Variants in MCTP1 observed in about 807,000 individuals in gnomAD.
MCTP1 encodes multiple C2 and transmembrane domain containing 1, also known as multiple C2 and transmembrane domain-containing protein 1.
A neutral mutation model predicts 120.6 loss-of-function variants in MCTP1; 69 were observed. The observed-to-expected ratio is 0.57, with a 90% CI of 0.47 to 0.70. The LOEUF is 0.70. Among genes scored for constraint, MCTP1 ranks in the 30% least tolerant of loss-of-function variants. The probability of loss-of-function intolerance (pLI) is 0.00; values close to 1 mark genes in which losing one functional copy is unlikely to be tolerated. For missense variants in MCTP1, 1,203 were observed against 1,248.8 expected (o/e 0.96, Z 0.55); for synonymous variants, 529 against 493.1 (o/e 1.07, Z -0.96).
chr5:95,283,733 A>G, intron 1 of MCTP1, 123 bp downstream of exon 1: 5 of 684,052 alleles, frequency 7.3e-6, no homozygotes, highest in Non-Finnish European at 1.1e-5. Context: ...TCATCTACTT[A>G]GAATTAATAG....
At chr5:94,873,043 G>A (rs41276251) in intron 13 of MCTP1, 96 bp downstream of exon 13, 27,995 of 748,304 alleles carry the variant, frequency 0.037, 726 homozygotes, top group Middle Eastern at 0.054. Flanking sequence ...TTGTGAATCA[G>A]TTAAGAATAA....
chr5:94,768,111 C>G (rs965914100), intron 19 of MCTP1, among the ~76,000 whole-genome samples: 2 of 151,968 alleles, frequency 1.3e-5, no homozygotes, highest in Non-Finnish European at 2.9e-5. Context: ...ATTTTTAAAG[C>G]CTACTGATTT....
At chr5:94,804,766 A>G (rs1781960440) in intron 17 of MCTP1, among the ~76,000 whole-genome samples, 1 of 152,192 alleles carries the variant, frequency 6.6e-6, no homozygotes, top group Admixed American at 6.5e-5. Flanking sequence ...AATTAATTTT[A>G]AGAAAATTAC....
chr5:95,145,060 C>A (rs1760267641), intron 1 of MCTP1, among the ~76,000 whole-genome samples: 1 of 152,022 alleles, frequency 6.6e-6, no homozygotes, highest in South Asian at 2.1e-4. Context: ...TTATTTGTGC[C>A]ATCTATGATT....
rs1807810665 is a variant in MCTP1 at position 94,909,294 on chromosome 5, C to T, written c.1609G>A (p.Ala537Thr). ...EERGGVIDIT[A>T]WDKDAGKRDD... ...CTTTTCCCAGCATCTTTGTCCCATG[C>T]AGTGATATCAATGACTCCTCCTCTT... The change falls in exon 10 of 23, where the codon GCA becomes ACA. Residue 537 changes from alanine (A) to threonine (T), a missense_variant. By Grantham distance (58) the Ala-to-Thr change is moderately conservative. Transcript: ENST00000515393. 6.2e-7 allele frequency: 1 copy of T among 1,610,868 alleles called. No homozygotes were observed.
Position 94,707,542 on chromosome 5 carries a change from T to G in MCTP1, c.2954A>C (p.Asp985Ala). 2 of 1,611,978 alleles carry G rather than the reference T, an allele frequency of 1.2e-6. No homozygotes were observed. The highest frequency in any genetic ancestry group is 2.2e-5 in the South Asian group (2 of 91,024). Residue 985 changes from aspartate (D) to alanine (A), a missense_variant, in exon 23 of 23, where the codon GAT (aspartate) becomes GCT (alanine). This residue lies in a region of MCTP1 where 740 missense variants were observed against 871.1 expected (regional missense o/e 0.85). Transcript: ENST00000515393. Reference sequence around the variant, plus strand: ...TCTTTTATATGGGCTATGAGAAGGATCTGGTTTCAGTTCTTGGTATTGCAC... The same window carrying G: ...TCTTTTATATGGGCTATGAGAAGGAGCTGGTTTCAGTTCTTGGTATTGCAC... ...QVVQYQELKP[D>A]PSHSPYKRKK...
At chr5:94,949,197 T>G (rs1390746526) in intron 3 of MCTP1, among the ~76,000 whole-genome samples, 1 of 152,202 alleles carries the variant, frequency 6.6e-6, no homozygotes, top group Non-Finnish European at 1.5e-5. Context: ...TCTCTTCTAC[T>G]GTAATTCTGG....
intron 1 of MCTP1, among the ~76,000 whole-genome samples, chr5:95,243,075 C>T (rs1392396297): frequency 6.6e-6 from 1 of 152,090 alleles, no homozygotes; most frequent in Non-Finnish European, 1.5e-5. Flanking sequence ...CCCTGACTTC[C>T]TCTTAAGACT....
At chr5:94,940,018 G>C in intron 5 of MCTP1, 66 bp downstream of exon 5, 1 of 875,956 alleles carries the variant, frequency 1.1e-6, no homozygotes, top group Non-Finnish European at 1.8e-6. Flanking sequence ...ATCATCTCTG[G>C]GTCCAGAGAA....
chr5:95,192,335 G>A (rs1303189821), intron 1 of MCTP1, among the ~76,000 whole-genome samples: 1 of 151,912 alleles, frequency 6.6e-6, no homozygotes, highest in Non-Finnish European at 1.5e-5. Context: ...ATGATACTGA[G>A]AATATATAAT....
At chr5:94,899,331 T>C (rs1024655410) in intron 10 of MCTP1, among the ~76,000 whole-genome samples, 2 of 152,198 alleles carry the variant, frequency 1.3e-5, no homozygotes, top group Non-Finnish European at 2.9e-5. Context: ...GCTGCTCCTT[T>C]GGCTATGCCT....
chr5:95,276,654 C>A (rs2152740331), intron 1 of MCTP1, among the ~76,000 whole-genome samples: 1 of 150,412 alleles, frequency 6.6e-6, no homozygotes, highest in East Asian at 2.0e-4. Flanking sequence ...GTGCTAGGTA[C>A]AAAAAACAGG....
intron 1 of MCTP1, among the ~76,000 whole-genome samples, chr5:95,275,995 G>A (rs530489676): frequency 6.6e-6 from 1 of 152,298 alleles, no homozygotes; most frequent in Admixed American, 6.5e-5. Context: ...AATGAACCAT[G>A]CTCAGTGAAA....
intron 10 of MCTP1, among the ~76,000 whole-genome samples, chr5:94,905,727 T>C (rs775906799): frequency 3.9e-5 from 6 of 152,190 alleles, no homozygotes; most frequent in East Asian, 3.8e-4. Context: ...ACATTCTAAA[T>C]TGGAGAAATC....
intron 1 of MCTP1, among the ~76,000 whole-genome samples, chr5:95,193,023 A>C (rs1265093958): frequency 6.6e-6 from 1 of 152,168 alleles, no homozygotes; most frequent in African/African-American, 2.4e-5. Flanking sequence ...GTTTACCTCG[A>C]ATGGTCATTG....
At position 94,962,274 on chromosome 5, in the gene MCTP1, T is replaced by A. The variant is rs1347643; in HGVS notation, c.839-8913A>T. 3.2e-4 allele frequency among the ~76,000 whole-genome samples: 49 copies of A among 152,090 alleles called. 2 individuals carry two copies. In the South Asian group the frequency reaches 0.01, roughly 32 times the overall value. On this transcript the variant is annotated intron_variant, in intron 2 of 22. Transcript: ENST00000515393. The stretch of plus-strand genomic sequence containing the variant: ...AACTAAAAGTAGAAGGACTATTTAA[T>A]CCAACAATCCCACTACGGGGTATCT...
At chr5:94,939,192 T>C (rs1405655054) in intron 5 of MCTP1, among the ~76,000 whole-genome samples, 1 of 152,096 alleles carries the variant, frequency 6.6e-6, no homozygotes, top group Non-Finnish European at 1.5e-5. Flanking sequence ...TCACTATTTT[T>C]ACCTGCAGTC....
At chr5:94,973,297 G>T (rs1306011446) in intron 2 of MCTP1, among the ~76,000 whole-genome samples, 1 of 152,062 alleles carries the variant, frequency 6.6e-6, no homozygotes, top group Admixed American at 6.6e-5. Context: ...CAACCGACTT[G>T]TCCCGTCTAC....
At chr5:94,831,771 T>C (rs1007071972) in intron 17 of MCTP1, among the ~76,000 whole-genome samples, 2 of 152,246 alleles carry the variant, frequency 1.3e-5, no homozygotes, top group African/African-American at 4.8e-5. Flanking sequence ...CACAATTTTA[T>C]GGGAACACAA....
Sources: gnomAD v4.1 joint callset for allele counts (sites outside exome capture counted in the v4.1 genomes callset) on GRCh38, gnomAD v4.1.1 for gene constraint, gnomAD v4.1.1 regional missense constraint, MANE v1.5 for transcripts, NCBI Gene and HGNC (gene_info 2026-07-23, HGNC 2026-07-21) for gene names.